ZFYVE9: variants seen among roughly 807,000 people sequenced by gnomAD.
ZFYVE9 encodes the protein zinc finger FYVE-type containing 9, also known as zinc finger FYVE domain-containing protein 9.
Under a neutral mutation model 126.7 loss-of-function variants are expected in ZFYVE9, and 43 were observed. The observed-to-expected ratio is 0.34, with a 90% CI of 0.27 to 0.44. The LOEUF is 0.44. Ranked by LOEUF, ZFYVE9 falls within the 20% of genes least tolerant of loss-of-function variation. The pLI, the probability that ZFYVE9 is intolerant of heterozygous loss-of-function variation, is 1.00. For synonymous variants in ZFYVE9, 521 were observed against 597.4 expected, an observed-to-expected ratio of 0.87 and a Z score of 1.87; for missense variants, 1,476 against 1,697.0, an observed-to-expected ratio of 0.87 and a Z score of 2.29.
chr1:52,218,312 T>C (rs748681383), intron 2 of ZFYVE9, among the ~76,000 whole-genome samples: 1 of 152,146 alleles, frequency 6.6e-6, no homozygotes, highest in Non-Finnish European at 1.5e-5. Flanking sequence ...GGCTGACTGA[T>C]TGGTTATCTC....
chr1:52,313,696 C>T (rs114835542), intron 13 of ZFYVE9, among the ~76,000 whole-genome samples: 2,888 of 152,254 alleles, frequency 0.019, 85 homozygotes, highest in African/African-American at 0.065. Flanking sequence ...CAGATTCAAA[C>T]TGCTCTGATC....
At chr1:52,148,461 C>T (rs917544015) in intron 1 of ZFYVE9, among the ~76,000 whole-genome samples, 2 of 151,688 alleles carry the variant, frequency 1.3e-5, no homozygotes, top group Non-Finnish European at 1.5e-5. Context: ...GCACTCCAGC[C>T]TGGGCAAGAA....
intron 1 of ZFYVE9, among the ~76,000 whole-genome samples, chr1:52,209,045 A>G (rs1645004177): frequency 6.6e-6 from 1 of 152,222 alleles, no homozygotes; most frequent in African/African-American, 2.4e-5. Context: ...TACACTAGGG[A>G]TACAATGACA....
At chr1:52,256,721 C>T (rs889290861) in intron 4 of ZFYVE9, among the ~76,000 whole-genome samples, 2 of 135,100 alleles carry the variant, frequency 1.5e-5, no homozygotes, top group Admixed American at 7.2e-5. Flanking sequence ...GAAGTTTAAA[C>T]AGGTGTTTAG....
chr1:52,287,696 C>CAAA (rs562577492), intron 10 of ZFYVE9, among the ~76,000 whole-genome samples: 1,959 of 112,858 alleles, frequency 0.017, 59 homozygotes, highest in East Asian at 0.13. Flanking sequence ...CTATCTGTAC[C>CAAA]AAAAAAAAAA....
intron 4 of ZFYVE9, among the ~76,000 whole-genome samples, chr1:52,248,952 G>A (rs1458722569): frequency 2.6e-5 from 4 of 152,148 alleles, no homozygotes; most frequent in Non-Finnish European, 1.5e-5. Flanking sequence ...ATCTCATCTC[G>A]AATTGTAATC....
chr1:52,281,087 A>G (rs562446364), intron 9 of ZFYVE9, among the ~76,000 whole-genome samples: 1 of 150,054 alleles, frequency 6.7e-6, no homozygotes, highest in Admixed American at 6.6e-5. Flanking sequence ...GCGTTTTATT[A>G]TTATTTCTTT....
chr1:52,345,945 T>C (rs1484807518), intron 18 of ZFYVE9, 115 bp from the exon 19 acceptor site: 2 of 1,064,214 alleles, frequency 1.9e-6, no homozygotes, highest in Middle Eastern at 3.3e-4. Context: ...CACTGCCATA[T>C]GTTTAGCCTA....
chr1:52,274,705 C>T, intron 8 of ZFYVE9, 121 bp downstream of exon 8: 1 of 1,071,754 alleles, frequency 9.3e-7, no homozygotes, highest in Non-Finnish European at 1.3e-6. Context: ...AAACAAACTC[C>T]CCCAAAACTA....
intron 7 of ZFYVE9, among the ~76,000 whole-genome samples, chr1:52,270,294 T>C (rs1163044073): frequency 2.6e-5 from 4 of 152,106 alleles, no homozygotes; most frequent in South Asian, 2.1e-4. Context: ...GATGGAGTCT[T>C]GCTCTGTCGC....
intron 1 of ZFYVE9, among the ~76,000 whole-genome samples, chr1:52,184,113 T>A (rs1158894450): frequency 1.3e-5 from 2 of 150,800 alleles, no homozygotes; most frequent in Non-Finnish European, 3.0e-5. Context: ...TTTGATATAG[T>A]TCACCTTTTT....
chr1:52,160,518 C>T (rs1470135316), intron 1 of ZFYVE9: 7 of 779,922 alleles, frequency 9.0e-6, no homozygotes, highest in African/African-American at 3.4e-5. Flanking sequence ...CTAGCCACCA[C>T]GCTGATGCCC....
intron 2 of ZFYVE9, among the ~76,000 whole-genome samples, chr1:52,222,041 T>A (rs2124604976): frequency 6.6e-6 from 1 of 152,340 alleles, no homozygotes; most frequent in African/African-American, 2.4e-5. Context: ...TCGTTTGCCT[T>A]TACTGATTAG....
chr1:52,209,550 C>T (rs868170189), intron 1 of ZFYVE9, among the ~76,000 whole-genome samples: 1 of 152,090 alleles, frequency 6.6e-6, no homozygotes, highest in South Asian at 2.1e-4. Context: ...TCTCTGTGGA[C>T]GTGCCTATTC....
chr1:52,318,398 GT>G (rs1422585061), intron 13 of ZFYVE9, among the ~76,000 whole-genome samples: 70 of 151,474 alleles, frequency 4.6e-4, no homozygotes, highest in African/African-American at 1.6e-3. Flanking sequence ...GTGTGTGTGT[GT>G]GTGTGTGTGT....
chr1:52,181,744 G>C lies in ZFYVE9; in HGVS notation c.-142-34625G>C, dbSNP rs575829108. 5.2e-3 allele frequency among the ~76,000 whole-genome samples: 797 copies of C among 151,906 alleles called. 4 individuals carry two copies. Among genetic ancestry groups the C allele is most frequent in the Non-Finnish European group, 8.0e-3 (541 of 67,922 alleles). Reference sequence around the variant, plus strand: ...GCGCCTCTGCCCCGCTGCCCCGTCTGGGATGTGAGGAGCGCCTCTGCCTGG... The same window carrying C: ...GCGCCTCTGCCCCGCTGCCCCGTCTCGGATGTGAGGAGCGCCTCTGCCTGG... On this transcript the variant is annotated intron_variant, in intron 1 of 18. Transcript: ENST00000287727.
At chr1:52,333,791 TAAAAAA>T (rs547487941) in intron 14 of ZFYVE9, among the ~76,000 whole-genome samples, 2 of 123,004 alleles carry the variant, frequency 1.6e-5, no homozygotes, top group South Asian at 2.6e-4. Flanking sequence ...CCCTGTCTCT[TAAAAAA>T]AAAAAAAAAA....
At chr1:52,157,472 C>G (rs1377863002) in intron 1 of ZFYVE9, among the ~76,000 whole-genome samples, 1 of 127,560 alleles carries the variant, frequency 7.8e-6, no homozygotes, top group Non-Finnish European at 1.6e-5. Flanking sequence ...GTGGTCTCAG[C>G]TCACTGCAAC....
intron 12 of ZFYVE9, among the ~76,000 whole-genome samples, chr1:52,301,004 C>T (rs1024070110): frequency 8.6e-5 from 13 of 151,490 alleles, no homozygotes; most frequent in Non-Finnish European, 1.5e-5. Flanking sequence ...GGATTACAGG[C>T]ATGCACCACC....
Sources: allele counts gnomAD v4.1 joint callset (sites outside exome capture counted in the v4.1 genomes callset), GRCh38; gene constraint gnomAD v4.1.1; transcripts MANE v1.5; gene names NCBI Gene and HGNC (gene_info 2026-07-23, HGNC 2026-07-21).